PTPRK: variants seen among roughly 807,000 people sequenced by gnomAD.
PTPRK encodes receptor-type tyrosine-protein phosphatase kappa.
In PTPRK, 75 loss-of-function variants were observed where a neutral mutation model predicts 178.0. The observed-to-expected ratio is 0.42, with a 90% confidence interval of 0.35 to 0.51. The LOEUF (loss-of-function observed/expected upper bound fraction) is 0.51. PTPRK is among the 20% of genes least tolerant of loss of function. The pLI is 0.02. For synonymous variants in PTPRK, 637 were observed against 620.6 expected (o/e 1.03, Z -0.39); for missense variants, 1,441 against 1,797.8 (o/e 0.80, Z 3.59).
intron 3 of PTPRK, among the ~76,000 whole-genome samples, chr6:128,261,313 A>T (rs191472662): frequency 1.3e-5 from 2 of 152,342 alleles, no homozygotes; most frequent in Admixed American, 1.3e-4. Flanking sequence ...AAATTTGAGA[A>T]TAATGTTCTA....
intron 7 of PTPRK, among the ~76,000 whole-genome samples, chr6:128,130,838 T>TA (rs528534204): frequency 0.016 from 2,352 of 151,578 alleles, 57 homozygotes; most frequent in African/African-American, 0.054. Context: ...AGTACCGATA[T>TA]AAAAAAAAAT....
chr6:128,466,674 T>C (rs549310046), intron 1 of PTPRK, among the ~76,000 whole-genome samples: 1 of 152,334 alleles, frequency 6.6e-6, no homozygotes, highest in South Asian at 2.1e-4. Context: ...AGTACTCATT[T>C]TACAATATAC....
At chr6:128,296,615 A>T (rs538286354) in intron 3 of PTPRK, among the ~76,000 whole-genome samples, 4 of 152,306 alleles carry the variant, frequency 2.6e-5, no homozygotes, top group Non-Finnish European at 5.9e-5. Context: ...TTTCATATTC[A>T]GCCAAACTAA....
chr6:128,298,681 A>G (rs925536614), intron 3 of PTPRK, among the ~76,000 whole-genome samples: 1 of 152,178 alleles, frequency 6.6e-6, no homozygotes, highest in Admixed American at 6.5e-5. Flanking sequence ...CCTTCATGCT[A>G]AAAACTCTCA....
At chr6:128,149,458 G>T (rs1162847986) in intron 7 of PTPRK, among the ~76,000 whole-genome samples, 3 of 152,058 alleles carry the variant, frequency 2.0e-5, no homozygotes, top group Non-Finnish European at 1.5e-5. Flanking sequence ...TTGAATAGTT[G>T]TTATATTGCA....
In PTPRK at chr6:128,507,926, C is replaced by T. The variant is rs752498387; in HGVS notation, c.100+12333G>A. 7.1e-4 allele frequency among the ~76,000 whole-genome samples: 108 copies of T among 151,988 alleles called. 2 individuals are homozygous for T. The highest frequency in any genetic ancestry group is 1.3e-3 in the Non-Finnish European group (86 of 67,986). On this transcript the variant is annotated intron_variant, in intron 1 of 29. Coordinates refer to ENST00000368226, the MANE Select transcript of PTPRK (RefSeq NM_002844.4). ...TCAAGTTTTGGGAAATTCCACTTGGCGGAATTTTACTATCATTGTGGCAAT... is the reference window on the plus strand; with the variant it reads ...TCAAGTTTTGGGAAATTCCACTTGGTGGAATTTTACTATCATTGTGGCAAT...
chr6:128,335,570 AAG>A (rs1830804418), intron 2 of PTPRK, among the ~76,000 whole-genome samples: 1 of 152,076 alleles, frequency 6.6e-6, no homozygotes, highest in Admixed American at 6.6e-5. Flanking sequence ...GATGAAAGAA[AAG>A]AGAGGAAAAC....
chr6:128,499,317 T>C (rs918431237), intron 1 of PTPRK, among the ~76,000 whole-genome samples: 4 of 152,348 alleles, frequency 2.6e-5, no homozygotes, highest in African/African-American at 9.6e-5. Flanking sequence ...CCAGTCTTCC[T>C]AAGTCAAACC....
At chr6:128,307,438 T>A (rs1374965066) in intron 3 of PTPRK, among the ~76,000 whole-genome samples, 1 of 149,262 alleles carries the variant, frequency 6.7e-6, no homozygotes. Flanking sequence ...CTTAACAAAG[T>A]CATTCCTTTT....
intron 18 of PTPRK, among the ~76,000 whole-genome samples, chr6:127,993,925 T>G (rs561191265): frequency 2.0e-4 from 31 of 151,632 alleles, no homozygotes; most frequent in Admixed American, 4.6e-4. Flanking sequence ...ATGAAATAAT[T>G]TTATAACAAG....
chr6:128,201,174 T>A (rs1420380082), intron 6 of PTPRK, among the ~76,000 whole-genome samples: 1 of 152,200 alleles, frequency 6.6e-6, no homozygotes, highest in East Asian at 1.9e-4. Context: ...TCAAAGAATC[T>A]CATGATATTA....
intron 13 of PTPRK, among the ~76,000 whole-genome samples, chr6:128,061,608 T>C (rs1043138865): frequency 1.3e-5 from 2 of 152,244 alleles, no homozygotes; most frequent in African/African-American, 2.4e-5. Context: ...GACTTGCCCA[T>C]AGGAGTCATC....
chr6:128,094,825 AG>A (rs1014660921), intron 7 of PTPRK, among the ~76,000 whole-genome samples: 3 of 152,112 alleles, frequency 2.0e-5, no homozygotes, highest in African/African-American at 7.2e-5. Flanking sequence ...AAAGAAAAAG[AG>A]AGAAGGTAAT....
chr6:128,507,007 C>T (rs2128440773), intron 1 of PTPRK, among the ~76,000 whole-genome samples: 1 of 152,166 alleles, frequency 6.6e-6, no homozygotes, highest in Admixed American at 6.5e-5. Context: ...CTCAATATTT[C>T]TCAAAACCTA....
chr6:128,326,017 C>T lies in PTPRK; in HGVS notation c.224-3707G>A, dbSNP rs367780404. ...AAAAAGGATGAGTTCATGTCCTTTG[C>T]AGGGACATGGATGAAGTTGAAAACC... On this transcript the variant is annotated intron_variant, in intron 2 of 29. Coordinates refer to ENST00000368226, the MANE Select transcript of PTPRK (RefSeq NM_002844.4). Among the ~76,000 whole-genome samples, 11 of 152,172 alleles carry T rather than the reference C, an allele frequency of 7.2e-5. No homozygotes were observed. In the East Asian group the frequency reaches 1.7e-3, roughly 24 times the overall value.
intron 2 of PTPRK, among the ~76,000 whole-genome samples, chr6:128,394,072 T>C (rs1025778615): frequency 2.5e-4 from 38 of 152,346 alleles, no homozygotes; most frequent in Non-Finnish European, 5.1e-4. Flanking sequence ...TATCATTGAT[T>C]AGTTTTGCCT....
At chr6:128,122,728 G>A (rs949913669) in intron 7 of PTPRK, among the ~76,000 whole-genome samples, 3 of 152,140 alleles carry the variant, frequency 2.0e-5, no homozygotes, top group African/African-American at 7.2e-5. Context: ...ACCGCAGTAT[G>A]AAAATTAAAA....
intron 1 of PTPRK, among the ~76,000 whole-genome samples, chr6:128,437,337 T>C (rs1845726420): frequency 6.6e-6 from 1 of 152,182 alleles, no homozygotes; most frequent in African/African-American, 2.4e-5. Context: ...TCAAAACCTA[T>C]TTATATAAGC....
chr6:128,298,968 AC>A (rs931203072), intron 3 of PTPRK, among the ~76,000 whole-genome samples: 1 of 152,016 alleles, frequency 6.6e-6, no homozygotes, highest in Non-Finnish European at 1.5e-5. Flanking sequence ...TACCTAGAAA[AC>A]CCCACTGTCT....
Sources: gnomAD v4.1 joint callset for allele counts (sites outside exome capture counted in the v4.1 genomes callset) on GRCh38, gnomAD v4.1.1 for gene constraint, MANE v1.5 for transcripts, NCBI Gene and HGNC (gene_info 2026-07-23, HGNC 2026-07-21) for gene names.